MTFR1L: variants seen among roughly 807,000 people sequenced by gnomAD.
The protein encoded by MTFR1L is mitochondrial fission regulator 1-like.
A neutral mutation model predicts 27.9 loss-of-function variants in MTFR1L; 10 were observed. The observed-to-expected ratio is 0.36, with a 90% CI of 0.22 to 0.61. MTFR1L has a LOEUF of 0.61. MTFR1L is among the 20% of genes least tolerant of loss of function. The pLI is 0.73. For missense variants in MTFR1L, 315 were observed against 363.7 expected (o/e 0.87, Z 1.09); for synonymous variants, 151 against 139.4 (o/e 1.08, Z -0.58).
At chr1:25,820,779 GAAGC>G (rs2124466900) in intron 1 of MTFR1L, 1 of 438,872 alleles carries the variant, frequency 2.3e-6, no homozygotes, top group East Asian at 8.1e-5. Context: ...TCAGCGCGTT[GAAGC>G]GCTCACTGTG....
Position 25,826,225 on chromosome 1 carries a change from C to A in MTFR1L, c.130-77C>A. The A allele has an allele frequency of 7.9e-7, 1 of 1,259,924 alleles. No individual in the cohort carries two copies. Among genetic ancestry groups the A allele is most frequent in the Non-Finnish European group, 1.1e-6 (1 of 873,422 alleles). 78.0% of individuals were successfully genotyped at this position (1,259,924 alleles called of 1,614,324 possible). A position where few individuals can be genotyped will look rare whatever the true frequency, so the allele number is the denominator to read the frequency against. On this transcript the variant is annotated intron_variant, in intron 3 of 6. Coordinates refer to ENST00000374303, the MANE Select transcript of MTFR1L (RefSeq NM_001099625.2). The surrounding 1 kb of genome is among the most constrained non-coding windows in gnomAD (Gnocchi z 4.1). ...TGACACCCAGTGCCGGATTAGGTACCCCTCCTGTGTATTCTGCAGTTTCTG... is the reference window on the plus strand; with the variant it reads ...TGACACCCAGTGCCGGATTAGGTACACCTCCTGTGTATTCTGCAGTTTCTG...
At chr1:25,820,358 C>T (rs1190518111) in intron 1 of MTFR1L, 2 of 455,666 alleles carry the variant, frequency 4.4e-6, no homozygotes, top group Non-Finnish European at 8.8e-6. Context: ...GGGTCCGGGT[C>T]CTGTGGGTCC....
Position 25,829,491 on chromosome 1 carries a change from T to C in MTFR1L, c.452-18T>C. On this transcript the variant is annotated intron_variant, in intron 5 of 6. Coordinates refer to ENST00000374303, the MANE Select transcript of MTFR1L (RefSeq NM_001099625.2). Reference sequence around the variant, plus strand: ...TCTAGCCCCAATGTCCACCCATGCCTATTGTTTTCTCTTTCAGCTTCGGCT... The same window carrying C: ...TCTAGCCCCAATGTCCACCCATGCCCATTGTTTTCTCTTTCAGCTTCGGCT... The C allele has an allele frequency of 6.2e-7, 1 of 1,608,002 alleles. No individual in the cohort carries two copies.
chr1:25,830,555 T>A (rs1010829767), intron 6 of MTFR1L, among the ~76,000 whole-genome samples: 1 of 152,178 alleles, frequency 6.6e-6, no homozygotes, highest in Non-Finnish European at 1.5e-5. Context: ...TGGGTTGCGG[T>A]TTCAACAGCT....
At position 25,826,538 on chromosome 1, in the gene MTFR1L, C is replaced by T; in HGVS notation, c.240-77C>T. On this transcript the variant is annotated intron_variant, in intron 4 of 6. Transcript: ENST00000374303. The surrounding 1 kb of genome is among the most constrained non-coding windows in gnomAD (Gnocchi z 4.1). ...GCAGAACCTTACTATACTACTCTCA[C>T]AGAAGTGGGGGAAGGAACCTTAGGA... 6.3e-7 allele frequency: 1 copy of T among 1,587,586 alleles called. No individual in the cohort carries two copies. Among genetic ancestry groups the T allele is most frequent in the Non-Finnish European group, 8.6e-7 (1 of 1,157,312 alleles).
chr1:25,823,158 G>A (rs747023440), intron 2 of MTFR1L, 30 bp downstream of exon 2: 3 of 1,606,810 alleles, frequency 1.9e-6, no homozygotes, highest in Non-Finnish European at 2.6e-6. Flanking sequence ...CAGGGGTATG[G>A]TGGGGAAGGT....
intron 6 of MTFR1L, among the ~76,000 whole-genome samples, chr1:25,831,194 A>AG (rs1267056989): frequency 6.6e-6 from 1 of 152,182 alleles, no homozygotes; most frequent in Non-Finnish European, 1.5e-5. Flanking sequence ...TTTGCTTTGA[A>AG]GGTTGAATAG....
Position 25,826,681 on chromosome 1 carries a change from C to T in MTFR1L, c.306C>T (p.Ala102=). 6.2e-7 allele frequency: 1 copy of T among 1,614,198 alleles called. No individual in the cohort carries two copies. Among genetic ancestry groups the T allele is most frequent in the Non-Finnish European group, 8.5e-7 (1 of 1,180,038 alleles). Residue 102 remains alanine, a synonymous_variant, in exon 5 of 7, where the codon GCC becomes GCT. Transcript: ENST00000374303. The surrounding 1 kb of genome is among the most constrained non-coding windows in gnomAD (Gnocchi z 4.1). ...PSPLIVMQRN[A]SVPNLRGSEE... is the part of the protein sequence containing the mutation. The stretch of plus-strand genomic sequence containing the variant: ...CTCTGATTGTCATGCAGCGCAATGC[C>T]TCTGTTCCCAACCTGCGTGGGTCCG...
chr1:25,832,048 C>CA lies in MTFR1L; in HGVS notation c.*23dup. 1 of 1,614,018 alleles carries CA rather than the reference C, an allele frequency of 6.2e-7. No individual in the cohort carries two copies. The highest frequency in any genetic ancestry group is 1.3e-5 in the African/African-American group (1 of 75,036). On this transcript the variant is annotated 3_prime_UTR_variant, in exon 7 of 7. Transcript: ENST00000374303. ...TTGACAACCCTCAGCTCTGCAAACT[C>CA]AGTCTCATGCTCCTGGAATACCTTC...
chr1:25,825,257 T>TTTA (rs1047806519), intron 3 of MTFR1L, among the ~76,000 whole-genome samples: 1 of 152,274 alleles, frequency 6.6e-6, no homozygotes, highest in East Asian at 1.9e-4. Flanking sequence ...TAAATATGCA[T>TTTA]TTATTATTAT....
Position 25,832,252 on chromosome 1 carries a change from A to C in MTFR1L, c.*226A>C. ...TTGACCTGAGACATTTGTTTCAGGT[A>C]ATCGTGTAGAATGAAGTATCTTAGT... On this transcript the variant is annotated 3_prime_UTR_variant, in exon 7 of 7. Coordinates refer to ENST00000374303, the MANE Select transcript of MTFR1L (RefSeq NM_001099625.2). 1 of 1,276,622 alleles carries C rather than the reference A, an allele frequency of 7.8e-7. No homozygotes were observed. Among genetic ancestry groups the C allele is most frequent in the South Asian group, 1.3e-5 (1 of 77,050 alleles). 79.1% of individuals were successfully genotyped at this position (1,276,622 alleles called of 1,614,324 possible). A position where few individuals can be genotyped will look rare whatever the true frequency, so the allele number is the denominator to read the frequency against.
chr1:25,820,141 C>G (rs1382962553), intron 1 of MTFR1L, 112 bp downstream of exon 1: 3 of 450,594 alleles, frequency 6.7e-6, no homozygotes, highest in Non-Finnish European at 8.9e-6. Context: ...TGTTCCCGCG[C>G]GAGTTCTCGC....
intron 1 of MTFR1L, 189 bp from the exon 2 acceptor site, chr1:25,822,830 A>T: frequency 1.7e-6 from 1 of 604,570 alleles, no homozygotes; most frequent in Non-Finnish European, 2.9e-6. Flanking sequence ...CTGGCCGCAG[A>T]TCTTTAACAG....
In MTFR1L at chr1:25,826,584, T is replaced by G. The variant is rs1209083177; in HGVS notation, c.240-31T>G. On this transcript the variant is annotated intron_variant, in intron 4 of 6. Coordinates refer to ENST00000374303, the MANE Select transcript of MTFR1L (RefSeq NM_001099625.2). The surrounding 1 kb of genome is among the most constrained non-coding windows in gnomAD (Gnocchi z 4.1). The stretch of plus-strand genomic sequence containing the variant: ...TAGGAGCACAGTGGCCTGCTGTCTC[T>G]AACTGATCTACTTGGTTTTCCCTGG... 4.3e-6 allele frequency: 7 copies of G among 1,613,430 alleles called. No homozygotes were observed. In the Admixed American group the frequency reaches 1.2e-4, roughly 27 times the overall value.
chr1:25,824,385 C>T (rs3754147), intron 3 of MTFR1L, among the ~76,000 whole-genome samples: 3,585 of 152,256 alleles, frequency 0.024, 207 homozygotes, highest in Admixed American at 0.14. Flanking sequence ...GTCCCAGCTG[C>T]CTCCCTCTAG....
rs1056858746 is a variant in MTFR1L, at chr1:25,823,070, G to A, written c.-35G>A. ...TCCCGCCTCCCGGAGCTGCCCAGTG[G>A]CTGCCTTGTCCTTCAAGTGCAGGAG... is the stretch of plus-strand genomic sequence containing the variant. On this transcript the variant is annotated 5_prime_UTR_variant, in exon 2 of 7. An upstream open reading frame in the 5' UTR gains an earlier in-frame stop. Coordinates refer to ENST00000374303, the MANE Select transcript of MTFR1L (RefSeq NM_001099625.2). The A allele has an allele frequency of 1.9e-6, 3 of 1,614,166 alleles. No individual in the cohort carries two copies. The highest frequency in any genetic ancestry group is 1.7e-5 in the Admixed American group (1 of 60,034).
In MTFR1L at chr1:25,826,829, A is replaced by G. The variant is rs772227886; in HGVS notation, c.451+3A>G. 9.3e-6 allele frequency: 15 copies of G among 1,613,510 alleles called. No individual in the cohort carries two copies. Among genetic ancestry groups the G allele is most frequent in the Non-Finnish European group, 1.1e-5 (13 of 1,179,926 alleles). ...AAAGATAGTGGCAGCTGATGCAGGT[A>G]GGAGCCCCTGTGCCAGGGCCAGAAC... On this transcript the variant is annotated splice_donor_region_variant and intron_variant, in intron 5 of 6. Coordinates refer to ENST00000374303, the MANE Select transcript of MTFR1L (RefSeq NM_001099625.2). The surrounding 1 kb of genome is among the most constrained non-coding windows in gnomAD (Gnocchi z 4.1).
chr1:25,826,282 T>C lies in MTFR1L; in HGVS notation c.130-20T>C, dbSNP rs764114233. 15 of 1,608,534 alleles carry C rather than the reference T, an allele frequency of 9.3e-6. No individual in the cohort carries two copies. In the South Asian group the frequency reaches 1.2e-4, roughly 13 times the overall value. Reference sequence around the variant, plus strand: ...TCATCATGGCATCTGTAAATGTTGATGACTTTTGCTTCTCCATAGACCCTG... The same window carrying C: ...TCATCATGGCATCTGTAAATGTTGACGACTTTTGCTTCTCCATAGACCCTG... On this transcript the variant is annotated intron_variant, in intron 3 of 6. Transcript: ENST00000374303. The surrounding 1 kb of genome is among the most constrained non-coding windows in gnomAD (Gnocchi z 4.1).
At chr1:25,825,996 G>T in intron 3 of MTFR1L, 1 of 312,694 alleles carries the variant, frequency 3.2e-6, no homozygotes, top group Non-Finnish European at 6.2e-6. Context: ...ACCATACCCA[G>T]ATAATTTTTG....
Sources: allele counts gnomAD v4.1 joint callset (sites outside exome capture counted in the v4.1 genomes callset), GRCh38; gene constraint gnomAD v4.1.1; non-coding constraint Gnocchi (gnomAD v3.1); transcripts MANE v1.5; gene names NCBI Gene and HGNC (gene_info 2026-07-23, HGNC 2026-07-21).